The following EFCC1 variants were observed in gnomAD, a reference collection of about 807,000 sequenced individuals.
EFCC1 encodes EF-hand and coiled-coil domain-containing protein 1.
In EFCC1, 50 loss-of-function variants were observed where a neutral mutation model predicts 52.1. The observed-to-expected ratio is 0.96, with a 90% CI of 0.76 to 1.21. The LOEUF is 1.21. Ranked by LOEUF, EFCC1 falls within the 50% of genes most tolerant of loss-of-function variation. The probability of loss-of-function intolerance (pLI) is 0.00; values close to 1 mark genes in which losing one functional copy is unlikely to be tolerated. For synonymous variants in EFCC1, 399 were observed against 396.5 expected (o/e 1.01, Z -0.08); for missense variants, 837 against 867.3 (o/e 0.97, Z 0.44).
At chr3:129,023,206 A>G (rs1163923436) in intron 2 of EFCC1, among the ~76,000 whole-genome samples, 1 of 152,184 alleles carries the variant, frequency 6.6e-6, no homozygotes, top group African/African-American at 2.4e-5. Flanking sequence ...ATTTGTTACA[A>G]ATATATGCTT....
chr3:129,027,597 T>A (rs550010748), intron 2 of EFCC1, among the ~76,000 whole-genome samples: 1 of 152,070 alleles, frequency 6.6e-6, no homozygotes, highest in East Asian at 1.9e-4. Context: ...CGAGCAGGGG[T>A]CTTTGTGTTC....
chr3:129,027,762 C>T (rs984057692), intron 2 of EFCC1, among the ~76,000 whole-genome samples: 2 of 152,052 alleles, frequency 1.3e-5, no homozygotes, highest in Admixed American at 6.6e-5. Context: ...TCGAGACCAG[C>T]CTGGGCAACA....
In EFCC1 at chr3:129,032,886, G is replaced by C; in HGVS notation, c.1206G>C (p.Glu402Asp). Residue 402 changes from glutamate to aspartate, a missense_variant, in exon 4 of 8, where the codon GAG becomes GAC. By Grantham distance (45) the Glu-to-Asp change is conservative. Transcript: ENST00000683648. ...CCTCTGACGAGGAGGAGGTGGAGGA[G>C]GAGAGGTGGCAGGAGGAGAAGAAGA... ...QAASDEEEVE[E>D]ERWQEEKKTP... is the part of the protein sequence containing the mutation. 1 of 1,551,490 alleles carries C rather than the reference G, an allele frequency of 6.4e-7. No homozygotes were observed. The highest frequency in any genetic ancestry group is 8.7e-7 in the Non-Finnish European group (1 of 1,146,934).
intron 2 of EFCC1, among the ~76,000 whole-genome samples, chr3:129,029,608 G>A (rs553545875): frequency 6.6e-4 from 99 of 151,040 alleles, no homozygotes; most frequent in Non-Finnish European, 2.1e-4. Flanking sequence ...GATGGAGTCT[G>A]GCTCTGTTGC....
At chr3:129,005,496 T>A (rs1380449415) in intron 2 of EFCC1, among the ~76,000 whole-genome samples, 2 of 152,218 alleles carry the variant, frequency 1.3e-5, no homozygotes, top group African/African-American at 2.4e-5. Flanking sequence ...AGAAAGAACA[T>A]GAAACCATGG....
At chr3:129,020,368 G>A (rs1252214265) in intron 2 of EFCC1, among the ~76,000 whole-genome samples, 1 of 152,158 alleles carries the variant, frequency 6.6e-6, no homozygotes, top group Non-Finnish European at 1.5e-5. Context: ...CTGGACAGAT[G>A]GCCCACACCT....
At position 129,010,872 on chromosome 3, in the gene EFCC1, C is replaced by G. The variant is rs535201768; in HGVS notation, c.980+6795C>G. Among the ~76,000 whole-genome samples the G allele has an allele frequency of 2.6e-5, 4 of 152,308 alleles. No homozygotes were observed. The highest frequency in any genetic ancestry group is 9.6e-5 in the African/African-American group (4 of 41,564). On this transcript the variant is annotated intron_variant, in intron 2 of 7. Coordinates refer to ENST00000683648, the MANE Select transcript of EFCC1 (RefSeq NM_001377500.1). This position sits in a 1 kb window ranked among gnomAD's most constrained non-coding sequence, Gnocchi z 4.3. Reference sequence around the variant, plus strand: ...AGGCACCCACTGCATGCCCCAGGCCCTCAGGATGCACAGGGGGCTTGGTGG... The same window carrying G: ...AGGCACCCACTGCATGCCCCAGGCCGTCAGGATGCACAGGGGGCTTGGTGG...
At chr3:129,002,761 T>G in intron 1 of EFCC1, 5 of 166,348 alleles carry the variant, frequency 3.0e-5, no homozygotes, top group Admixed American at 6.4e-5. Flanking sequence ...GGGATATCCC[T>G]GCCTCCTGGG....
intron 2 of EFCC1, among the ~76,000 whole-genome samples, chr3:129,013,789 G>A (rs1447505948): frequency 6.6e-6 from 1 of 152,240 alleles, no homozygotes; most frequent in African/African-American, 2.4e-5. Flanking sequence ...TGGGCCAAGA[G>A]AAATGGAGGA....
Position 129,034,467 on chromosome 3 carries a change from T to G in EFCC1, c.1452+138T>G. ...AGGCCCAGAGGGAGGTGATTTCCTC[T>G]GATTTAAATTTAATAAGAAATATTT... On this transcript the variant is annotated intron_variant, in intron 5 of 7. Coordinates refer to ENST00000683648, the MANE Select transcript of EFCC1 (RefSeq NM_001377500.1). 8.2e-6 allele frequency: 8 copies of G among 979,598 alleles called. No homozygotes were observed. In the South Asian group the frequency reaches 1.5e-4, roughly 18 times the overall value. 60.7% of individuals were successfully genotyped at this position (979,598 alleles called of 1,614,324 possible).
chr3:129,012,948 A>T (rs1945395289), intron 2 of EFCC1, among the ~76,000 whole-genome samples: 1 of 152,146 alleles, frequency 6.6e-6, no homozygotes, highest in Non-Finnish European at 1.5e-5. Flanking sequence ...GGTTTTCTTT[A>T]TTTAAGGTGG....
rs779856577 is a variant in EFCC1 at position 129,034,148 on chromosome 3, C to T, written c.1287-16C>T. The T allele has an allele frequency of 1.2e-6, 2 of 1,614,030 alleles. No individual in the cohort carries two copies. The highest frequency in any genetic ancestry group is 1.7e-5 in the Admixed American group (1 of 60,004). ...GAAGCAGCCCCCTGCAATGCGGGCC[C>T]TCTCCTTTGCTGCAGGTGTGATGAC... On this transcript the variant is annotated splice_polypyrimidine_tract_variant and intron_variant, in intron 4 of 7. Coordinates refer to ENST00000683648, the MANE Select transcript of EFCC1 (RefSeq NM_001377500.1).
intron 2 of EFCC1, among the ~76,000 whole-genome samples, chr3:129,018,467 T>G (rs1250234254): frequency 6.6e-6 from 1 of 152,252 alleles, no homozygotes; most frequent in African/African-American, 2.4e-5. Context: ...AACACAGCCA[T>G]GTCCACTTGT....
rs771197879 is a variant in EFCC1 at position 129,036,978 on chromosome 3, C to A, written c.1454C>A (p.Ala485Glu). ...GRTLGTSEEE[A>E]ELQQKVEENE... Reference sequence around the variant, plus strand: ...GCACTGAGCCCCTTCTCTTCCCAGGCAGAGTTGCAGCAGAAGGTGGAAGAG... The same window carrying A: ...GCACTGAGCCCCTTCTCTTCCCAGGAAGAGTTGCAGCAGAAGGTGGAAGAG... Residue 485 changes from alanine to glutamate, a missense_variant and splice_region_variant, in exon 6 of 8, where the codon GCA (alanine) becomes GAA (glutamate). Coordinates refer to ENST00000683648, the MANE Select transcript of EFCC1 (RefSeq NM_001377500.1). The A allele has an allele frequency of 3.7e-6, 6 of 1,613,724 alleles. No individual in the cohort carries two copies. In the African/African-American group the frequency reaches 4.0e-5, roughly 11 times the overall value.
At chr3:129,038,271 G>T (rs1364937544) in intron 6 of EFCC1, among the ~76,000 whole-genome samples, 6 of 152,154 alleles carry the variant, frequency 3.9e-5, no homozygotes, top group Non-Finnish European at 7.3e-5. Context: ...GAGCTGCCGA[G>T]GTCCAGCCCA....
At chr3:129,017,528 C>G (rs1411555794) in intron 2 of EFCC1, among the ~76,000 whole-genome samples, 3 of 152,240 alleles carry the variant, frequency 2.0e-5, no homozygotes, top group African/African-American at 7.2e-5. Context: ...CAGAATCCAG[C>G]TCCTTTTGGC....
chr3:129,038,892 C>A lies in EFCC1; in HGVS notation c.1655C>A (p.Pro552His). 1 of 1,613,942 alleles carries A rather than the reference C, an allele frequency of 6.2e-7. No homozygotes were observed. The highest frequency in any genetic ancestry group is 8.5e-7 in the Non-Finnish European group (1 of 1,180,012). Reference sequence around the variant, plus strand: ...AGCACGCTGGACGCTTTCAGGGACCCCACCCACGGTAGGAGAGCACCCTAG... The same window carrying A: ...AGCACGCTGGACGCTTTCAGGGACCACACCCACGGTAGGAGAGCACCCTAG... ...LLSTLDAFRD[P>H]THEGRPSPAA... Residue 552 changes from proline (P) to histidine (H), a missense_variant, in exon 7 of 8, where the codon CCC (proline) becomes CAC (histidine). Coordinates refer to ENST00000683648, the MANE Select transcript of EFCC1 (RefSeq NM_001377500.1).
At chr3:129,022,228 G>C (rs922857) in intron 2 of EFCC1, among the ~76,000 whole-genome samples, 36,973 of 152,156 alleles carry the variant, frequency 0.24, 7,609 homozygotes, top group African/African-American at 0.56. Flanking sequence ...TCATAGGACC[G>C]CCAGGCCCAG....
In EFCC1 at chr3:129,038,902, T is replaced by G. The variant is rs529491405; in HGVS notation, c.1663+2T>G. The stretch of plus-strand genomic sequence containing the variant: ...ACGCTTTCAGGGACCCCACCCACGG[T>G]AGGAGAGCACCCTAGTCTCTCAGAG... On this transcript the variant is annotated splice_donor_variant, in intron 7 of 7. Coordinates refer to ENST00000683648, the MANE Select transcript of EFCC1 (RefSeq NM_001377500.1). LOFTEE classifies it high-confidence loss of function. 5.0e-6 allele frequency: 8 copies of G among 1,613,768 alleles called. No homozygotes were observed. The highest frequency in any genetic ancestry group is 5.9e-6 in the Non-Finnish European group (7 of 1,179,920).
Sources: allele counts gnomAD v4.1 joint callset (sites outside exome capture counted in the v4.1 genomes callset), GRCh38; gene constraint gnomAD v4.1.1; non-coding constraint Gnocchi (gnomAD v3.1); transcripts MANE v1.5; gene names NCBI Gene and HGNC (gene_info 2026-07-23, HGNC 2026-07-21).